Variants in ASIC2 observed in about 807,000 individuals in gnomAD.
ASIC2 encodes the protein acid-sensing ion channel 2.
ASIC2 carries 25 observed loss-of-function variants against 57.3 expected under a neutral mutation model. That is an observed-to-expected ratio of 0.44 (90% CI 0.32 to 0.61). The LOEUF (loss-of-function observed/expected upper bound fraction) is 0.61, where lower values mean the gene tolerates loss of function less well. Ranked by LOEUF, ASIC2 falls within the 20% of genes least tolerant of loss-of-function variation. ASIC2 has a pLI of 0.06. For missense variants in ASIC2, 641 were observed against 738.1 expected (o/e 0.87, Z 1.52); for synonymous variants, 319 against 307.5 (o/e 1.04, Z -0.39).
chr17:33,235,845 A>T (rs558038885), intron 1 of ASIC2, among the ~76,000 whole-genome samples: 12 of 151,722 alleles, frequency 7.9e-5, no homozygotes, highest in South Asian at 4.2e-4. Flanking sequence ...TATTATTATT[A>T]TTTTTTTTGA....
chr17:33,535,491 T>G (rs1340675149), intron 1 of ASIC2, among the ~76,000 whole-genome samples: 1 of 152,004 alleles, frequency 6.6e-6, no homozygotes, highest in Non-Finnish European at 1.5e-5. Flanking sequence ...TTAGCCAGGA[T>G]GGTCTCAATC....
chr17:33,472,459 T>G (rs1473420672), intron 1 of ASIC2, among the ~76,000 whole-genome samples: 1 of 152,186 alleles, frequency 6.6e-6, no homozygotes, highest in East Asian at 1.9e-4. Context: ...AGGATGCACA[T>G]GCTGAGAGGT....
rs572008004 is a variant in ASIC2, at chr17:33,064,716, A to G, written c.987+24147T>C. Among the ~76,000 whole-genome samples the G allele has an allele frequency of 2.6e-5, 4 of 152,270 alleles. No homozygotes were observed. In the East Asian group the frequency reaches 7.7e-4, roughly 29 times the overall value. ...GCTGGGAGAACCACTACTCTCTTCA[A>G]AGCTCAGTTGGAAACGCAGAAATCA... On this transcript the variant is annotated intron_variant, in intron 3 of 9. Coordinates refer to ENST00000225823, the MANE Select transcript of ASIC2 (RefSeq NM_183377.2).
intron 1 of ASIC2, among the ~76,000 whole-genome samples, chr17:33,904,574 C>T (rs1288350377): frequency 1.3e-5 from 2 of 152,144 alleles, no homozygotes; most frequent in African/African-American, 4.8e-5. Flanking sequence ...CTAACCCAGA[C>T]GAATGCCATG....
chr17:34,104,652 G>C (rs1910980646), intron 1 of ASIC2, among the ~76,000 whole-genome samples: 1 of 151,958 alleles, frequency 6.6e-6, no homozygotes. Context: ...ATTCCAATTT[G>C]CTGAGAATTA....
chr17:33,744,323 C>A (rs1387298491), intron 1 of ASIC2, among the ~76,000 whole-genome samples: 1 of 152,106 alleles, frequency 6.6e-6, no homozygotes, highest in African/African-American at 2.4e-5. Context: ...TTGAAAACAG[C>A]AAAGCAAGCA....
rs866898961 is a variant in ASIC2, at chr17:33,491,981, T to G, written c.556-379914A>C. On this transcript the variant is annotated intron_variant, in intron 1 of 9. Transcript: ENST00000359872. The stretch of plus-strand genomic sequence containing the variant: ...AAGTCTAATCTTTTTTGTAGCGGCT[T>G]TTTGGACATTTAAGGATTAAGATCC... 2.6e-5 allele frequency among the ~76,000 whole-genome samples: 4 copies of G among 152,212 alleles called. No homozygotes were observed. The South Asian group carries it at 8.3e-4, about 31-fold the overall frequency.
intron 1 of ASIC2, among the ~76,000 whole-genome samples, chr17:33,690,568 A>G (rs1908331772): frequency 6.6e-6 from 1 of 152,056 alleles, no homozygotes; most frequent in South Asian, 2.1e-4. Context: ...AATGCCAAAA[A>G]CTAGTCACAT....
intron 1 of ASIC2, among the ~76,000 whole-genome samples, chr17:33,575,900 TTAGAAAGGGGATGC>T (rs1916605443): frequency 6.6e-6 from 1 of 152,138 alleles, no homozygotes; most frequent in Non-Finnish European, 1.5e-5. Context: ...CTCTGCAGGC[TTAGAAAGGGGATGC>T]CTGCAGAGTT....
intron 1 of ASIC2, among the ~76,000 whole-genome samples, chr17:33,855,294 A>G (rs1406477241): frequency 6.6e-6 from 1 of 152,168 alleles, no homozygotes. Context: ...TGTGAGTTGA[A>G]GCAGTGCCTT....
At chr17:33,469,386 C>G (rs1212955868) in intron 1 of ASIC2, among the ~76,000 whole-genome samples, 2 of 152,144 alleles carry the variant, frequency 1.3e-5, no homozygotes, top group Non-Finnish European at 2.9e-5. Flanking sequence ...TGCAGCTGGG[C>G]CTAAGGCCCT....
At chr17:33,522,351 G>C (rs1001459880) in intron 1 of ASIC2, among the ~76,000 whole-genome samples, 6 of 152,208 alleles carry the variant, frequency 3.9e-5, no homozygotes, top group Non-Finnish European at 5.9e-5. Context: ...CTGAGAAACC[G>C]AGTCTTCCCT....
chr17:33,790,845 G>A (rs1296946994), intron 1 of ASIC2, among the ~76,000 whole-genome samples: 1 of 152,120 alleles, frequency 6.6e-6, no homozygotes, highest in Non-Finnish European at 1.5e-5. Flanking sequence ...AATTTATCAT[G>A]TACCAGACAT....
intron 3 of ASIC2, among the ~76,000 whole-genome samples, chr17:33,071,563 C>G (rs749612599): frequency 2.6e-5 from 4 of 152,168 alleles, no homozygotes; most frequent in Non-Finnish European, 4.4e-5. Flanking sequence ...TTATTCTCAT[C>G]ATAGGTCATA....
chr17:33,773,940 G>A (rs1911192038), intron 1 of ASIC2, among the ~76,000 whole-genome samples: 2 of 152,078 alleles, frequency 1.3e-5, no homozygotes, highest in Admixed American at 6.6e-5. Flanking sequence ...GTGTTGGGAT[G>A]TACAGTCTTG....
intron 1 of ASIC2, among the ~76,000 whole-genome samples, chr17:33,395,126 C>G (rs1303594504): frequency 6.6e-6 from 1 of 151,548 alleles, no homozygotes; most frequent in East Asian, 1.9e-4. Flanking sequence ...ATCCATTCTT[C>G]TACTCATCCA....
chr17:33,347,743 A>G (rs951950898), intron 1 of ASIC2, among the ~76,000 whole-genome samples: 1 of 152,182 alleles, frequency 6.6e-6, no homozygotes, highest in Non-Finnish European at 1.5e-5. Flanking sequence ...TTCAAAGGTG[A>G]TGCAGTCATT....
intron 1 of ASIC2, chr17:34,069,765 G>C (rs1400099727): frequency 6.6e-6 from 1 of 152,260 alleles, no homozygotes; most frequent in East Asian, 1.9e-4. Flanking sequence ...GTGAGTTCAA[G>C]TCCAACATAG....
At chr17:33,665,441 G>A (rs1035111126) in intron 1 of ASIC2, among the ~76,000 whole-genome samples, 5 of 152,162 alleles carry the variant, frequency 3.3e-5, no homozygotes, top group East Asian at 1.9e-4. Flanking sequence ...TACCCATGTC[G>A]AGGGTTGGCA....
Sources: allele counts gnomAD v4.1 joint callset (sites outside exome capture counted in the v4.1 genomes callset), GRCh38; gene constraint gnomAD v4.1.1; transcripts MANE v1.5; gene names NCBI Gene and HGNC (gene_info 2026-07-23, HGNC 2026-07-21).